ITPR1: variants seen among roughly 807,000 people sequenced by gnomAD.
The protein encoded by ITPR1 is inositol 1,4,5-trisphosphate-gated calcium channel ITPR1.
In ITPR1, 96 loss-of-function variants were observed where a neutral mutation model predicts 318.4. That is an observed-to-expected ratio of 0.30 (90% CI 0.26 to 0.36). The LOEUF (loss-of-function observed/expected upper bound fraction) is 0.36, where lower values mean the gene tolerates loss of function less well. Among genes scored for constraint, ITPR1 ranks in the 10% least tolerant of loss-of-function variants. The pLI, the probability that ITPR1 is intolerant of heterozygous loss-of-function variation, is 1.00. For missense variants in ITPR1, 2,440 were observed against 3,460.2 expected, an observed-to-expected ratio of 0.71 and a Z score of 7.40; for synonymous variants, 1,312 against 1,289.9, an observed-to-expected ratio of 1.02 and a Z score of -0.37.
intron 60 of ITPR1, among the ~76,000 whole-genome samples, chr3:4,820,142 G>A (rs6802133): frequency 1 from 152,121 of 152,316 alleles, 75,964 homozygotes; most frequent in Middle Eastern, 1. Flanking sequence ...AAAGTCCTCA[G>A]TTCCCTTCTT....
chr3:4,522,909 A>C (rs1302853014), intron 4 of ITPR1, among the ~76,000 whole-genome samples: 1 of 152,222 alleles, frequency 6.6e-6, no homozygotes, highest in Non-Finnish European at 1.5e-5. Context: ...CATGGTTCTC[A>C]ACTTTGGCTG....
intron 4 of ITPR1, among the ~76,000 whole-genome samples, chr3:4,603,953 A>G (rs1321820691): frequency 1.3e-5 from 2 of 152,216 alleles, no homozygotes; most frequent in African/African-American, 4.8e-5. Flanking sequence ...CCAATAGTGT[A>G]TAAGTGTTTC....
At chr3:4,827,560 G>A (rs1043681495) in intron 60 of ITPR1, among the ~76,000 whole-genome samples, 11 of 152,170 alleles carry the variant, frequency 7.2e-5, no homozygotes, top group Non-Finnish European at 2.9e-5. Context: ...TATACAAGGT[G>A]AACTAGACTG....
At chr3:4,685,287 A>G in intron 30 of ITPR1, 81 bp downstream of exon 30, 1 of 1,364,088 alleles carries the variant, frequency 7.3e-7, no homozygotes, top group Non-Finnish European at 9.7e-7. Flanking sequence ...ACATCTGGAT[A>G]TTGTTAGTGA....
intron 4 of ITPR1, among the ~76,000 whole-genome samples, chr3:4,623,660 T>C (rs1030559242): frequency 3.9e-5 from 6 of 152,176 alleles, no homozygotes; most frequent in Non-Finnish European, 8.8e-5. Context: ...GCCATCCAAA[T>C]AGCAAAGGGC....
chr3:4,550,744 G>A (rs1029018142), intron 4 of ITPR1, among the ~76,000 whole-genome samples: 1 of 152,120 alleles, frequency 6.6e-6, no homozygotes, highest in African/African-American at 2.4e-5. Context: ...GCGAGGCATA[G>A]TGGTACACAC....
chr3:4,636,986 T>C (rs2093210230), intron 5 of ITPR1, among the ~76,000 whole-genome samples: 1 of 152,208 alleles, frequency 6.6e-6, no homozygotes, highest in African/African-American at 2.4e-5. Flanking sequence ...AACATAATAT[T>C]AGCATTTCTT....
chr3:4,617,702 G>C (rs1221553669), intron 4 of ITPR1, among the ~76,000 whole-genome samples: 2 of 152,064 alleles, frequency 1.3e-5, no homozygotes, highest in Non-Finnish European at 2.9e-5. Context: ...TTGAAATATT[G>C]GCTGGGCTTG....
At chr3:4,818,303 G>T in intron 60 of ITPR1, 61 bp downstream of exon 60, 1 of 1,333,232 alleles carries the variant, frequency 7.5e-7, no homozygotes. Context: ...TCTGAGCAAG[G>T]CCCCAGCAGC....
At chr3:4,730,639 C>A (rs1338344368) in intron 42 of ITPR1, among the ~76,000 whole-genome samples, 1 of 151,984 alleles carries the variant, frequency 6.6e-6, no homozygotes, top group Non-Finnish European at 1.5e-5. Flanking sequence ...CTCCTGCTTG[C>A]TTGATTGCAG....
chr3:4,607,198 G>C (rs193178877), intron 4 of ITPR1, among the ~76,000 whole-genome samples: 1 of 152,268 alleles, frequency 6.6e-6, no homozygotes, highest in East Asian at 1.9e-4. Context: ...CCAGCAGCTT[G>C]TTAGAAATGC....
chr3:4,701,460 C>T (rs140821684), intron 35 of ITPR1, among the ~76,000 whole-genome samples: 100 of 152,300 alleles, frequency 6.6e-4, no homozygotes, highest in African/African-American at 2.4e-3. Flanking sequence ...CCTAGGTTTC[C>T]CCTGCCAGTT....
At chr3:4,654,604 A>T (rs2093665139) in intron 12 of ITPR1, among the ~76,000 whole-genome samples, 1 of 152,192 alleles carries the variant, frequency 6.6e-6, no homozygotes, top group South Asian at 2.1e-4. Flanking sequence ...TCTAGGATTG[A>T]AACAGTTGCT....
intron 4 of ITPR1, among the ~76,000 whole-genome samples, chr3:4,564,045 G>A (rs1476031748): frequency 6.6e-6 from 1 of 151,936 alleles, no homozygotes; most frequent in Non-Finnish European, 1.5e-5. Context: ...GGGTTCAAGC[G>A]ATTCTCTTGC....
chr3:4,825,212 A>G (rs1479239349), intron 60 of ITPR1, among the ~76,000 whole-genome samples: 3 of 152,234 alleles, frequency 2.0e-5, no homozygotes, highest in Admixed American at 6.5e-5. Flanking sequence ...TGCCCTCAAC[A>G]TTCCATTGGA....
chr3:4,819,389 G>A (rs957898532), intron 60 of ITPR1, among the ~76,000 whole-genome samples: 11 of 152,186 alleles, frequency 7.2e-5, no homozygotes, highest in Non-Finnish European at 1.6e-4. Context: ...CACCTGTGGA[G>A]CATGTTAAAA....
intron 23 of ITPR1, among the ~76,000 whole-genome samples, 156 bp downstream of exon 23, chr3:4,675,404 CG>C (rs2094164224): frequency 6.6e-6 from 1 of 152,168 alleles, no homozygotes; most frequent in South Asian, 2.1e-4. Flanking sequence ...TAAAGAAAAG[CG>C]GAAAGAACAG....
chr3:4,691,263 C>A lies in ITPR1; in HGVS notation c.3948C>A (p.Val1316=), dbSNP rs764250549. The change falls in exon 32 of 62, where the codon GTC becomes GTA. Residue 1316 remains valine (V), a synonymous_variant. Transcript: ENST00000649015. ...VHCIETHGRN[V]QYIKFLQTIV... ...GCATAGAGACTCACGGTCGGAATGT[C>A]CAGTATATAAAGTTCTTACAGACAA... 1.9e-6 allele frequency: 3 copies of A among 1,613,020 alleles called. No individual in the cohort carries two copies. The South Asian group carries it at 3.3e-5, about 18-fold the overall frequency.
rs1037864205 is a variant in ITPR1, at chr3:4,710,357, G to T, written c.4875G>T (p.Arg1625Ser). The T allele has an allele frequency of 6.4e-7, 1 of 1,569,328 alleles. No homozygotes were observed. Among genetic ancestry groups the T allele is most frequent in the Non-Finnish European group, 8.7e-7 (1 of 1,155,722 alleles). ...TCTCCGCGCTGGAGGACCGTCTCAG[G>T]CCCCTGGTGCAGGCAGAGTTATCTG... ...DIVSALEDRLRPLVQAELSVL... is the reference protein window; with the variant it reads ...DIVSALEDRLSPLVQAELSVL... The change falls in exon 38 of 62, where the codon AGG becomes AGT. Residue 1625 changes from arginine (R) to serine (S), a missense_variant. Physicochemically the swap from Arg to Ser is moderately radical, Grantham distance 110. Around this residue, in one of 23 missense-constraint regions of ITPR1, gnomAD observed 166 missense variants for 246.5 expected, o/e 0.67. Transcript: ENST00000649015. This position sits in a 1 kb window ranked among gnomAD's most constrained non-coding sequence, Gnocchi z 4.2.
Sources: allele counts gnomAD v4.1 joint callset (sites outside exome capture counted in the v4.1 genomes callset), GRCh38; gene constraint gnomAD v4.1.1; regional missense constraint gnomAD v4.1.1; non-coding constraint Gnocchi (gnomAD v3.1); transcripts MANE v1.5; gene names NCBI Gene and HGNC (gene_info 2026-07-23, HGNC 2026-07-21).